The following EVI5 variants were observed in gnomAD, a reference collection of about 807,000 sequenced individuals.
The protein encoded by EVI5 is ecotropic viral integration site 5 protein homolog.
Under a neutral mutation model 112.0 loss-of-function variants are expected in EVI5, and 73 were observed. That is an observed-to-expected ratio of 0.65 (90% CI 0.54 to 0.79). EVI5 has a LOEUF of 0.79. Ranked by LOEUF, EVI5 falls within the 30% of genes least tolerant of loss-of-function variation. The pLI is 0.00. For synonymous variants in EVI5, 305 were observed against 319.9 expected (o/e 0.95, Z 0.50); for missense variants, 900 against 968.8 (o/e 0.93, Z 0.94).
chr1:92,660,779 GA>G (rs1386194069), intron 13 of EVI5, among the ~76,000 whole-genome samples: 1 of 151,982 alleles, frequency 6.6e-6, no homozygotes, highest in Non-Finnish European at 1.5e-5. Flanking sequence ...AAACTATAGT[GA>G]AAGAAAGCAC....
chr1:92,721,439 A>G (rs1674739570), intron 2 of EVI5, among the ~76,000 whole-genome samples: 1 of 152,172 alleles, frequency 6.6e-6, no homozygotes, highest in South Asian at 2.1e-4. Flanking sequence ...TGAAAACCAA[A>G]CACTGTATGT....
At chr1:92,772,182 A>G (rs2103047781) in intron 1 of EVI5, among the ~76,000 whole-genome samples, 1 of 151,884 alleles carries the variant, frequency 6.6e-6, no homozygotes, top group East Asian at 1.9e-4. Flanking sequence ...TCTTTCTAAA[A>G]CTCAATTCTG....
At chr1:92,677,692 C>T (rs1343044513) in intron 9 of EVI5, among the ~76,000 whole-genome samples, 3 of 152,110 alleles carry the variant, frequency 2.0e-5, no homozygotes, top group Non-Finnish European at 4.4e-5. Flanking sequence ...ATAAAAATCA[C>T]CATTAGAATT....
chr1:92,775,753 A>G (rs1272170699), intron 1 of EVI5, among the ~76,000 whole-genome samples: 1 of 152,220 alleles, frequency 6.6e-6, no homozygotes, highest in Non-Finnish European at 1.5e-5. Flanking sequence ...GTAGAAAGAA[A>G]AGGCCAATGG....
At chr1:92,666,375 ACATG>A in intron 10 of EVI5, among the ~76,000 whole-genome samples, 1 of 151,148 alleles carries the variant, frequency 6.6e-6, no homozygotes, top group African/African-American at 2.4e-5. Context: ...ACACACACAC[ACATG>A]CATGCATGCA....
chr1:92,738,738 A>G (rs1677857044), intron 1 of EVI5, among the ~76,000 whole-genome samples: 1 of 152,200 alleles, frequency 6.6e-6, no homozygotes, highest in African/African-American at 2.4e-5. Flanking sequence ...AATTTAATAA[A>G]GTTTAATATT....
intron 14 of EVI5, among the ~76,000 whole-genome samples, chr1:92,627,078 A>T (rs1260739329): frequency 6.6e-6 from 1 of 152,206 alleles, no homozygotes; most frequent in Non-Finnish European, 1.5e-5. Flanking sequence ...TAAGTTCTTT[A>T]GTGGTGATTT....
At chr1:92,761,480 A>G (rs941109781) in intron 1 of EVI5, among the ~76,000 whole-genome samples, 2 of 152,214 alleles carry the variant, frequency 1.3e-5, no homozygotes, top group Non-Finnish European at 2.9e-5. Flanking sequence ...ATGCTGTATC[A>G]ATGCAAATAT....
intron 1 of EVI5, among the ~76,000 whole-genome samples, chr1:92,767,532 T>A (rs910984853): frequency 2.6e-5 from 4 of 152,150 alleles, no homozygotes; most frequent in Non-Finnish European, 5.9e-5. Context: ...GTGGAAAAAA[T>A]GTTCTCTTAA....
intron 19 of EVI5, among the ~76,000 whole-genome samples, chr1:92,560,295 C>G (rs187529857): frequency 6.6e-6 from 1 of 152,162 alleles, no homozygotes; most frequent in East Asian, 1.9e-4. Flanking sequence ...AAGCAAGACA[C>G]AAAAGAAAAC....
At chr1:92,594,225 T>C (rs1246593392) in intron 18 of EVI5, among the ~76,000 whole-genome samples, 1 of 151,952 alleles carries the variant, frequency 6.6e-6, no homozygotes, top group African/African-American at 2.4e-5. Context: ...GAGATATAGA[T>C]TAATGGAACA....
intron 14 of EVI5, among the ~76,000 whole-genome samples, chr1:92,628,179 T>C (rs141080812): frequency 2.0e-5 from 3 of 152,308 alleles, no homozygotes; most frequent in Non-Finnish European, 4.4e-5. Context: ...TTTGATGAGA[T>C]TGTTTTCGTC....
intron 13 of EVI5, among the ~76,000 whole-genome samples, chr1:92,660,300 T>C (rs1293641273): frequency 1.3e-5 from 2 of 152,030 alleles, no homozygotes; most frequent in African/African-American, 4.8e-5. Context: ...GAGGACATTA[T>C]GTTAAGTGAA....
chr1:92,556,727 T>G (rs1667737028), intron 19 of EVI5, among the ~76,000 whole-genome samples: 1 of 152,228 alleles, frequency 6.6e-6, no homozygotes, highest in South Asian at 2.1e-4. Context: ...CTTTTTGATA[T>G]ATATTTAAAT....
chr1:92,770,901 C>T (rs951789904), intron 1 of EVI5, among the ~76,000 whole-genome samples: 11 of 151,596 alleles, frequency 7.3e-5, no homozygotes, highest in Non-Finnish European at 1.5e-4. Context: ...CTGCAACCTC[C>T]GCCTCCTGGG....
chr1:92,685,952 C>G (rs918750499), intron 9 of EVI5, among the ~76,000 whole-genome samples: 1 of 152,104 alleles, frequency 6.6e-6, no homozygotes, highest in African/African-American at 2.4e-5. Context: ...GATTCACAGT[C>G]AAATTCTTCC....
chr1:92,703,304 T>G (rs983824221), intron 4 of EVI5, 91 bp downstream of exon 4: 2 of 743,792 alleles, frequency 2.7e-6, no homozygotes, highest in African/African-American at 3.7e-5. Flanking sequence ...CTGATTATTG[T>G]GGTGGGAGGT....
chr1:92,720,570 C>A (rs1012845769), intron 2 of EVI5, among the ~76,000 whole-genome samples: 1 of 152,174 alleles, frequency 6.6e-6, no homozygotes, highest in Non-Finnish European at 1.5e-5. Context: ...ACCATAAAAA[C>A]CCTAGAAGAA....
chr1:92,569,191 T>C (rs1201709637), intron 18 of EVI5, among the ~76,000 whole-genome samples: 1 of 152,214 alleles, frequency 6.6e-6, no homozygotes, highest in Admixed American at 6.5e-5. Context: ...ACTTCATAGA[T>C]GAGGAAACGT....
Sources: allele counts gnomAD v4.1 joint callset (sites outside exome capture counted in the v4.1 genomes callset), GRCh38; gene constraint gnomAD v4.1.1; transcripts MANE v1.5; gene names NCBI Gene and HGNC (gene_info 2026-07-23, HGNC 2026-07-21).